CHRDL2: variants seen among roughly 807,000 people sequenced by gnomAD.
The protein encoded by CHRDL2 is chordin-like protein 2.
A neutral mutation model predicts 54.3 loss-of-function variants in CHRDL2; 41 were observed. That is an observed-to-expected ratio of 0.76 (90% CI 0.59 to 0.98). The LOEUF is 0.98. Among genes scored for constraint, CHRDL2 ranks in the 50% least tolerant of loss-of-function variants. CHRDL2 has a pLI of 0.00. For synonymous variants in CHRDL2, 220 were observed against 224.3 expected (o/e 0.98, Z 0.17); for missense variants, 518 against 562.4 (o/e 0.92, Z 0.80).
At chr11:74,730,776 C>G in intron 1 of CHRDL2, 31 bp downstream of exon 1, 1 of 1,579,512 alleles carries the variant, frequency 6.3e-7, no homozygotes, top group South Asian at 1.2e-5. Context: ...CGCATCCCTC[C>G]TCTGCCCACC....
chr11:74,696,623 T>G, intron 10 of CHRDL2, 38 bp from the exon 11 acceptor site: 1 of 1,468,892 alleles, frequency 6.8e-7, no homozygotes, highest in Non-Finnish European at 9.5e-7. Flanking sequence ...GAGGCGTATG[T>G]GTCTGCACGT....
At position 74,704,800 on chromosome 11, in the gene CHRDL2, GA is replaced by G. The variant is rs1690575415; in HGVS notation, c.583-147del. The G allele has an allele frequency of 9.4e-6, 7 of 746,488 alleles. No individual in the cohort carries two copies. The Admixed American group carries it at 1.5e-4, about 17-fold the overall frequency. 46.2% of individuals were successfully genotyped at this position (746,488 alleles called of 1,614,324 possible). ...GAAGAGAAGGTAGAGACCAGGGATA[GA>G]AAGATCTGGATGAGGTCTAAGATGT... On this transcript the variant is annotated intron_variant, in intron 6 of 10. Transcript: ENST00000376332.
chr11:74,701,050 C>G (rs1377505867), intron 9 of CHRDL2: 1 of 152,092 alleles, frequency 6.6e-6, no homozygotes, highest in Admixed American at 6.5e-5. Flanking sequence ...GGAGCTTGCT[C>G]CCTCCCTTCC....
intron 4 of CHRDL2, among the ~76,000 whole-genome samples, chr11:74,710,500 T>C (rs552054484): frequency 3.3e-5 from 5 of 152,332 alleles, no homozygotes; most frequent in African/African-American, 1.2e-4. Flanking sequence ...AACTGATCAT[T>C]TGCGTATTCA....
At chr11:74,710,768 C>T (rs1435200789) in intron 4 of CHRDL2, 81 bp downstream of exon 4, 14 of 1,498,162 alleles carry the variant, frequency 9.3e-6, no homozygotes, top group South Asian at 8.1e-5. Context: ...GAACAATCCC[C>T]CCAGTCCGCA....
intron 1 of CHRDL2, among the ~76,000 whole-genome samples, chr11:74,726,610 T>C (rs905543021): frequency 2.0e-5 from 3 of 152,100 alleles, no homozygotes; most frequent in South Asian, 4.2e-4. Context: ...TCAAGGTCCC[T>C]CTCCCAGAGT....
chr11:74,723,219 A>C (rs1480114315), intron 1 of CHRDL2, among the ~76,000 whole-genome samples: 1 of 152,194 alleles, frequency 6.6e-6, no homozygotes, highest in Non-Finnish European at 1.5e-5. Context: ...TGGGTGGAGA[A>C]GGCAAAGGAG....
Position 74,696,527 on chromosome 11 carries a change from G to T in CHRDL2, c.1272C>A (p.Asp424Glu), listed in dbSNP as rs2033594471. 1 of 1,613,746 alleles carries T rather than the reference G, an allele frequency of 6.2e-7. No homozygotes were observed. The highest frequency in any genetic ancestry group is 1.3e-5 in the African/African-American group (1 of 74,916). Residue 424 changes from aspartate to glutamate, a missense_variant, in exon 11 of 11, where the codon GAC becomes GAA. Transcript: ENST00000376332. ...TLELKVTASP[D>E]KVTKT The stretch of plus-strand genomic sequence containing the variant: ...GTCTTTGTTATGTCTTGGTCACTTT[G>T]TCTGGACTGGCCGTGACCTTCAGCT...
intron 1 of CHRDL2, chr11:74,719,390 A>C (rs1245526992): frequency 1.7e-5 from 2 of 118,260 alleles, no homozygotes; most frequent in African/African-American, 6.6e-5. Flanking sequence ...GTACACACAC[A>C]CACACACACA....
intron 5 of CHRDL2, among the ~76,000 whole-genome samples, chr11:74,707,640 C>A (rs543988140): frequency 1.3e-5 from 2 of 152,088 alleles, no homozygotes; most frequent in Non-Finnish European, 1.5e-5. Flanking sequence ...ACTTATGGTT[C>A]TCTCAGCTCA....
At chr11:74,703,853 C>T (rs928323542) in intron 7 of CHRDL2, among the ~76,000 whole-genome samples, 2 of 152,188 alleles carry the variant, frequency 1.3e-5, no homozygotes, top group Admixed American at 6.5e-5. Context: ...AGGTCCCTTT[C>T]CCCCCTCTGC....
chr11:74,704,703 C>G, intron 6 of CHRDL2, 49 bp from the exon 7 acceptor site: 1 of 1,564,702 alleles, frequency 6.4e-7, no homozygotes, highest in Non-Finnish European at 8.7e-7. Context: ...ATAGCAGGCC[C>G]CAGCTGGAGC....
At chr11:74,717,974 CT>C (rs1565156977) in intron 2 of CHRDL2, among the ~76,000 whole-genome samples, 1 of 152,198 alleles carries the variant, frequency 6.6e-6, no homozygotes, top group Non-Finnish European at 1.5e-5. Flanking sequence ...ACATGGGGGT[CT>C]CATTTATTCT....
At chr11:74,705,948 G>A (rs1230202898) in intron 6 of CHRDL2, among the ~76,000 whole-genome samples, 2 of 152,110 alleles carry the variant, frequency 1.3e-5, no homozygotes, top group African/African-American at 2.4e-5. Flanking sequence ...TAGCAGAGAG[G>A]ACCCATCAGG....
In CHRDL2 at chr11:74,718,808, TG is replaced by T; in HGVS notation, c.106del (p.His36MetfsTer20). 1.9e-6 allele frequency: 3 copies of T among 1,612,620 alleles called. No homozygotes were observed. Among genetic ancestry groups the T allele is most frequent in the Non-Finnish European group, 2.5e-6 (3 of 1,179,352 alleles). On this transcript the variant is annotated frameshift_variant, in exon 2 of 11. Transcript: ENST00000376332. LOFTEE classifies it high-confidence loss of function. ...CTCGCCGGGGGAGTATCTCTTCCCA[TG>T]GAAAAGGCAGAACATGTCTGGGCCT... is the stretch of plus-strand genomic sequence containing the variant. Reference protein sequence around the residue: ...RARPDMFCLFHGKRYSPGESW... With the variant: ...RARPDMFCLFXGKRYSPGESW...
At chr11:74,718,130 C>T (rs769502349) in intron 2 of CHRDL2, among the ~76,000 whole-genome samples, 1 of 152,124 alleles carries the variant, frequency 6.6e-6, no homozygotes, top group Non-Finnish European at 1.5e-5. Flanking sequence ...TGAGTGAGGG[C>T]CCAGCAAGTC....
At chr11:74,713,503 C>T in intron 2 of CHRDL2, 24 bp from the exon 3 acceptor site, 1 of 1,599,372 alleles carries the variant, frequency 6.3e-7, no homozygotes, top group Non-Finnish European at 8.6e-7. Flanking sequence ...AAGGGTCAGC[C>T]CTGGTTCAAA....
intron 10 of CHRDL2, 88 bp downstream of exon 10, chr11:74,697,117 C>G: frequency 9.7e-7 from 1 of 1,027,596 alleles, no homozygotes; most frequent in Admixed American, 1.9e-5. Context: ...CCTCCCGGCA[C>G]CAGCAGCCTG....
At chr11:74,702,677 G>GC (rs1346838295) in intron 9 of CHRDL2, 117 bp downstream of exon 9, 4 of 982,904 alleles carry the variant, frequency 4.1e-6, no homozygotes, top group Non-Finnish European at 6.3e-6. Context: ...CTTAAACCTG[G>GC]CGGGGCAGCC....
Sources: allele counts gnomAD v4.1 joint callset (sites outside exome capture counted in the v4.1 genomes callset), GRCh38; gene constraint gnomAD v4.1.1; transcripts MANE v1.5; gene names NCBI Gene and HGNC (gene_info 2026-07-23, HGNC 2026-07-21).